Variants in GABRB1 observed in about 807,000 individuals in gnomAD.
GABRB1 encodes gamma-aminobutyric acid type A receptor subunit beta1.
Under a neutral mutation model 51.6 loss-of-function variants are expected in GABRB1, and 17 were observed. That is an observed-to-expected ratio of 0.33 (90% confidence interval 0.23 to 0.49). The LOEUF is 0.49. Ranked by LOEUF, GABRB1 falls within the 20% of genes least tolerant of loss-of-function variation. The pLI, the probability that GABRB1 is intolerant of heterozygous loss-of-function variation, is 0.99. For synonymous variants in GABRB1, 247 were observed against 218.9 expected, an observed-to-expected ratio of 1.13 and a Z score of -1.14; for missense variants, 410 against 600.6, an observed-to-expected ratio of 0.68 and a Z score of 3.32.
rs559397470 is a variant in GABRB1, at chr4:47,190,767, A to C, written c.461+29298A>C. On this transcript the variant is annotated intron_variant, in intron 4 of 8. Transcript: ENST00000295454. ...TGAATCACCTGGTGATCTTGTGAAA[A>C]CATATATTTTGATTCAGTAGATTTG... Among the ~76,000 whole-genome samples, 22 of 152,222 alleles carry C rather than the reference A, an allele frequency of 1.4e-4. 3 individuals carry two copies. The South Asian group carries it at 3.5e-3, about 24-fold the overall frequency.
At chr4:47,077,449 T>G (rs1727606105) in intron 3 of GABRB1, among the ~76,000 whole-genome samples, 1 of 152,182 alleles carries the variant, frequency 6.6e-6, no homozygotes, top group African/African-American at 2.4e-5. Context: ...ACGAAATAGT[T>G]GGGTTTTTTT....
At chr4:47,300,598 A>T (rs1435768412) in intron 4 of GABRB1, among the ~76,000 whole-genome samples, 1 of 152,154 alleles carries the variant, frequency 6.6e-6, no homozygotes, top group African/African-American at 2.4e-5. Flanking sequence ...CAATGCTCTC[A>T]TACAATGAGA....
intron 4 of GABRB1, among the ~76,000 whole-genome samples, chr4:47,258,739 C>T (rs889705338): frequency 4.6e-5 from 7 of 152,222 alleles, no homozygotes; most frequent in African/African-American, 1.7e-4. Context: ...TATGAAATCA[C>T]TGTGATAATT....
chr4:47,082,647 C>A (rs181748744), intron 3 of GABRB1, among the ~76,000 whole-genome samples: 8 of 151,800 alleles, frequency 5.3e-5, no homozygotes, highest in African/African-American at 1.4e-4. Flanking sequence ...ATCTCCCAAA[C>A]CTTGGAATGT....
intron 3 of GABRB1, among the ~76,000 whole-genome samples, chr4:47,061,301 G>T (rs1348739917): frequency 6.6e-6 from 1 of 152,066 alleles, no homozygotes; most frequent in African/African-American, 2.4e-5. Context: ...AAAAAAATTG[G>T]ATCATTGGTC....
At chr4:47,414,494 T>A (rs1300086688) in intron 8 of GABRB1, among the ~76,000 whole-genome samples, 1 of 152,212 alleles carries the variant, frequency 6.6e-6, no homozygotes, top group Non-Finnish European at 1.5e-5. Flanking sequence ...TATGCATTTA[T>A]CTCAGTAAGC....
intron 5 of GABRB1, among the ~76,000 whole-genome samples, chr4:47,337,380 A>T (rs151009687): frequency 4.8e-3 from 735 of 152,242 alleles, no homozygotes; most frequent in South Asian, 0.018. Context: ...CAAGGTTTTG[A>T]TAAGAGGAGG....
intron 4 of GABRB1, among the ~76,000 whole-genome samples, chr4:47,295,452 A>C (rs1338325386): frequency 1.3e-5 from 2 of 152,236 alleles, no homozygotes; most frequent in Admixed American, 1.3e-4. Flanking sequence ...CGAGAACTAC[A>C]TGAAGAATGC....
At chr4:47,107,802 G>A (rs561932614) in intron 3 of GABRB1, among the ~76,000 whole-genome samples, 26 of 151,918 alleles carry the variant, frequency 1.7e-4, no homozygotes, top group African/African-American at 3.9e-4. Context: ...AAATATCCAC[G>A]GATTTTTCTT....
chr4:47,035,414 C>T (rs973701060), intron 3 of GABRB1, among the ~76,000 whole-genome samples: 1 of 152,048 alleles, frequency 6.6e-6, no homozygotes, highest in Middle Eastern at 3.4e-3. Context: ...AGAATAATGC[C>T]GATGTAGATA....
chr4:47,144,917 T>G (rs1018755496), intron 3 of GABRB1, among the ~76,000 whole-genome samples: 3 of 151,896 alleles, frequency 2.0e-5, no homozygotes, highest in Non-Finnish European at 4.4e-5. Flanking sequence ...GCCGAATGTA[T>G]GATGCTACAG....
rs571447769 is a variant in GABRB1 at position 47,350,348 on chromosome 4, T to C, written c.544+30139T>C. Among the ~76,000 whole-genome samples the C allele has an allele frequency of 4.6e-5, 7 of 150,632 alleles. No homozygotes were observed. In the East Asian group the frequency reaches 1.4e-3, roughly 29 times the overall value. On this transcript the variant is annotated intron_variant, in intron 5 of 8. Coordinates refer to ENST00000295454, the MANE Select transcript of GABRB1 (RefSeq NM_000812.4). ...TCTGCAAGTAACTTAAATTTATGTG[T>C]ACAATTTTAATATATATTAATTTAT...
At chr4:47,336,545 T>C (rs975586640) in intron 5 of GABRB1, among the ~76,000 whole-genome samples, 1 of 152,094 alleles carries the variant, frequency 6.6e-6, no homozygotes, top group Non-Finnish European at 1.5e-5. Flanking sequence ...TCATACCTAG[T>C]AAGTGGCAGA....
At chr4:47,148,415 C>T (rs1476723882) in intron 3 of GABRB1, among the ~76,000 whole-genome samples, 4 of 151,996 alleles carry the variant, frequency 2.6e-5, no homozygotes, top group Admixed American at 6.6e-5. Flanking sequence ...ATCCTAGAGT[C>T]GTCATGGACT....
intron 3 of GABRB1, among the ~76,000 whole-genome samples, chr4:47,080,305 A>AT (rs961887488): frequency 3.3e-5 from 5 of 151,974 alleles, no homozygotes; most frequent in African/African-American, 1.2e-4. Context: ...GAAGAAAAAA[A>AT]AAAAAAGAAG....
intron 5 of GABRB1, among the ~76,000 whole-genome samples, chr4:47,391,510 A>C (rs542297320): frequency 6.6e-6 from 1 of 152,324 alleles, no homozygotes; most frequent in South Asian, 2.1e-4. Flanking sequence ...CTCTCAGCTA[A>C]CTGGTGCTTA....
At chr4:47,009,797 T>A (rs745793730) in intron 1 of GABRB1, among the ~76,000 whole-genome samples, 1 of 152,168 alleles carries the variant, frequency 6.6e-6, no homozygotes, top group Non-Finnish European at 1.5e-5. Flanking sequence ...GACCACTGAG[T>A]GATTGAGGTA....
chr4:47,158,848 C>T (rs922974072), intron 3 of GABRB1, among the ~76,000 whole-genome samples: 4 of 152,026 alleles, frequency 2.6e-5, no homozygotes, highest in Non-Finnish European at 4.4e-5. Context: ...AAGTGTAATA[C>T]TAATGTGTAC....
intron 3 of GABRB1, among the ~76,000 whole-genome samples, chr4:47,104,442 A>G (rs916370243): frequency 6.6e-6 from 1 of 151,846 alleles, no homozygotes; most frequent in Non-Finnish European, 1.5e-5. Flanking sequence ...GACTGTAATT[A>G]ATTTTTAATT....
Sources: allele counts gnomAD v4.1 joint callset (sites outside exome capture counted in the v4.1 genomes callset), GRCh38; gene constraint gnomAD v4.1.1; transcripts MANE v1.5; gene names NCBI Gene and HGNC (gene_info 2026-07-23, HGNC 2026-07-21).